Variants in ATP10A observed in about 807,000 individuals in gnomAD.
The protein encoded by ATP10A is ATPase phospholipid transporting 10A (putative).
ATP10A carries 111 observed loss-of-function variants against 147.8 expected under a neutral mutation model. The ratio of observed to expected loss-of-function variants is 0.75; its 90% CI spans 0.64 to 0.88. The LOEUF (loss-of-function observed/expected upper bound fraction) is 0.88, where lower values mean the gene tolerates loss of function less well. ATP10A is among the 40% of genes least tolerant of loss of function. The probability of loss-of-function intolerance (pLI) is 0.00; values close to 1 mark genes in which losing one functional copy is unlikely to be tolerated. For synonymous variants in ATP10A, 875 were observed against 841.6 expected, an observed-to-expected ratio of 1.04 and a Z score of -0.69; for missense variants, 1,927 against 1,959.0, an observed-to-expected ratio of 0.98 and a Z score of 0.31.
At chr15:25,689,780 A>T (rs981220448) in intron 15 of ATP10A, among the ~76,000 whole-genome samples, 10 of 152,210 alleles carry the variant, frequency 6.6e-5, no homozygotes, top group Admixed American at 6.5e-4. Context: ...TGTTCCCATC[A>T]CCTTGCATGT....
intron 3 of ATP10A, among the ~76,000 whole-genome samples, chr15:25,728,589 G>T (rs559545212): frequency 6.6e-6 from 1 of 152,320 alleles, no homozygotes; most frequent in South Asian, 2.1e-4. Context: ...CGTGTCTCCC[G>T]TGGACTTCTC....
At chr15:25,846,175 T>C (rs1441053172) in intron 1 of ATP10A, among the ~76,000 whole-genome samples, 1 of 152,010 alleles carries the variant, frequency 6.6e-6, no homozygotes, top group African/African-American at 2.4e-5. Flanking sequence ...GGAGTTAGTG[T>C]TTCACGGGCA....
At position 25,679,563 on chromosome 15, in the gene ATP10A, C is replaced by T. The variant is rs1567293156; in HGVS notation, c.4278G>A (p.Leu1426=). ...RAASTGRVTP[L]SSLFSLPTFS... ...AGGTAGGCAGGCTGAAGAGGGAAGA[C>T]AGGGGGGTCACCCTGCCGGTGCTGG... Residue 1426 remains leucine, a synonymous_variant, in exon 21 of 21, where the codon CTG becomes CTA. Transcript: ENST00000555815. 2 of 1,611,694 alleles carry T rather than the reference C, an allele frequency of 1.2e-6. No individual in the cohort carries two copies. Among genetic ancestry groups the T allele is most frequent in the Non-Finnish European group, 1.7e-6 (2 of 1,178,200 alleles).
intron 1 of ATP10A, among the ~76,000 whole-genome samples, chr15:25,831,391 G>A (rs896277137): frequency 3.9e-5 from 6 of 152,240 alleles, no homozygotes; most frequent in African/African-American, 1.4e-4. Flanking sequence ...CCTGGAGAAT[G>A]CTGCGAGCAG....
At chr15:25,792,428 A>G (rs1271890455) in intron 1 of ATP10A, among the ~76,000 whole-genome samples, 5 of 152,190 alleles carry the variant, frequency 3.3e-5, no homozygotes, top group Non-Finnish European at 2.9e-5. Flanking sequence ...TCCCATAGCC[A>G]CCAGGAGGGC....
In ATP10A at chr15:25,736,015, T is replaced by C. The variant is rs199688966; in HGVS notation, c.740+41A>G. ...GTGTAAACACCTGCCTATGTAGTTATCAAACAGAAGGATGCGCGCAGGCAG... is the reference window on the plus strand; with the variant it reads ...GTGTAAACACCTGCCTATGTAGTTACCAAACAGAAGGATGCGCGCAGGCAG... On this transcript the variant is annotated intron_variant, in intron 3 of 20. Coordinates refer to ENST00000555815, the MANE Select transcript of ATP10A (RefSeq NM_024490.4). 327 of 1,497,740 alleles carry C rather than the reference T, an allele frequency of 2.2e-4. 1 individual carries two copies. Among genetic ancestry groups the C allele is most frequent in the Non-Finnish European group, 2.9e-4 (308 of 1,073,554 alleles). The allele number at this position is 1,497,740 out of a possible 1,614,324, so 92.8% of individuals were successfully genotyped here.
At chr15:25,855,061 CAA>C (rs58243465) in intron 1 of ATP10A, among the ~76,000 whole-genome samples, 9 of 66,004 alleles carry the variant, frequency 1.4e-4, no homozygotes, top group South Asian at 5.9e-4. Flanking sequence ...CTCCGTCTCA[CAA>C]AAAAAAAAAA....
At chr15:25,807,305 C>T (rs573216654) in intron 1 of ATP10A, among the ~76,000 whole-genome samples, 30 of 152,354 alleles carry the variant, frequency 2.0e-4, no homozygotes, top group African/African-American at 7.0e-4. Context: ...AGCCCAGGGG[C>T]CTTCCTGCCC....
intron 1 of ATP10A, among the ~76,000 whole-genome samples, chr15:25,852,635 C>A (rs1459835959): frequency 6.6e-6 from 1 of 152,166 alleles, no homozygotes; most frequent in Non-Finnish European, 1.5e-5. Flanking sequence ...TAACTGAATT[C>A]ATATTGTGGG....
At chr15:25,861,964 G>C (rs1893779686) in intron 1 of ATP10A, 1 of 287,620 alleles carries the variant, frequency 3.5e-6, no homozygotes, top group Non-Finnish European at 6.8e-6. Context: ...TCCATCGCAG[G>C]GTCACCCCTG....
intron 2 of ATP10A, among the ~76,000 whole-genome samples, chr15:25,749,516 C>T (rs1195547443): frequency 6.6e-6 from 1 of 152,126 alleles, no homozygotes; most frequent in Non-Finnish European, 1.5e-5. Flanking sequence ...ATCCTCCTAA[C>T]AAATCAAATT....
rs113383336 is a variant in ATP10A at position 25,755,135 on chromosome 15, A to T, written c.655-18994T>A. Among the ~76,000 whole-genome samples the T allele has an allele frequency of 5.4e-3, 823 of 152,304 alleles. 11 individuals carry two copies. The highest frequency in any genetic ancestry group is 0.016 in the African/African-American group (667 of 41,564). On this transcript the variant is annotated intron_variant, in intron 2 of 20. Transcript: ENST00000555815. ...CAGTTTCCTTATAAGAACTACCCAC[A>T]AATTCAGGAGATAATCCCCAAGTGA...
intron 1 of ATP10A, among the ~76,000 whole-genome samples, chr15:25,849,932 A>G (rs994253907): frequency 1.3e-5 from 2 of 152,248 alleles, no homozygotes; most frequent in Admixed American, 6.5e-5. Context: ...TGATTTGACT[A>G]AAGTCTGTCC....
At chr15:25,817,707 A>T (rs935894148) in intron 1 of ATP10A, among the ~76,000 whole-genome samples, 6 of 152,206 alleles carry the variant, frequency 3.9e-5, no homozygotes, top group Admixed American at 2.6e-4. Flanking sequence ...AGAAATAACA[A>T]GGTTCAATTG....
At chr15:25,820,871 T>G (rs1891849804) in intron 1 of ATP10A, among the ~76,000 whole-genome samples, 1 of 152,204 alleles carries the variant, frequency 6.6e-6, no homozygotes, top group Non-Finnish European at 1.5e-5. Flanking sequence ...TCAAAAGAAC[T>G]TTTTAAGTTA....
chr15:25,758,818 G>A (rs879902938), intron 2 of ATP10A, among the ~76,000 whole-genome samples: 4 of 110,064 alleles, frequency 3.6e-5, no homozygotes, highest in South Asian at 3.5e-4. Flanking sequence ...AACTCATTCC[G>A]ACCACCTGCT....
At chr15:25,688,460 C>T (rs1899822984) in intron 15 of ATP10A, among the ~76,000 whole-genome samples, 1 of 152,204 alleles carries the variant, frequency 6.6e-6, no homozygotes, top group Admixed American at 6.5e-5. Flanking sequence ...GCCATGGAAG[C>T]TTCCCCTGCA....
chr15:25,841,894 C>T (rs541429330), intron 1 of ATP10A: 1 of 152,306 alleles, frequency 6.6e-6, no homozygotes, highest in South Asian at 2.1e-4. Flanking sequence ...AATTCATAGC[C>T]ACGGATCTTG....
At chr15:25,830,418 A>G (rs1478873662) in intron 1 of ATP10A, among the ~76,000 whole-genome samples, 1 of 152,222 alleles carries the variant, frequency 6.6e-6, no homozygotes, top group Non-Finnish European at 1.5e-5. Flanking sequence ...GGCAAAGGTT[A>G]AAATTCCCAC....
Sources: gnomAD v4.1 joint callset for allele counts (sites outside exome capture counted in the v4.1 genomes callset) on GRCh38, gnomAD v4.1.1 for gene constraint, MANE v1.5 for transcripts, NCBI Gene and HGNC (gene_info 2026-07-23, HGNC 2026-07-21) for gene names.